MBOAT7: variants seen among roughly 807,000 people sequenced by gnomAD.
MBOAT7 encodes membrane bound acylglycerophosphatidylinositol O-acyltransferase MBOAT7.
In MBOAT7, 40 loss-of-function variants were observed where a neutral mutation model predicts 47.4. The observed-to-expected ratio is 0.84, with a 90% CI of 0.66 to 1.10. The LOEUF (loss-of-function observed/expected upper bound fraction) is 1.10. Among genes scored for constraint, MBOAT7 ranks in the 50% least tolerant of loss-of-function variants. The pLI is 0.00. For missense variants in MBOAT7, 680 were observed against 655.6 expected, an observed-to-expected ratio of 1.04 and a Z score of -0.41; for synonymous variants, 361 against 292.0, an observed-to-expected ratio of 1.24 and a Z score of -2.41.
chr19:54,188,547 G>A (rs985762642), intron 1 of MBOAT7, 36 bp from the exon 2 acceptor site: 8 of 1,541,038 alleles, frequency 5.2e-6, no homozygotes, highest in African/African-American at 1.4e-5. Context: ...TGAGAACCCA[G>A]GAATCCAGGC....
chr19:54,185,804 T>A (rs1451685337), intron 4 of MBOAT7, among the ~76,000 whole-genome samples: 2 of 151,972 alleles, frequency 1.3e-5, no homozygotes, highest in South Asian at 2.1e-4. Context: ...CAAGCAATTA[T>A]CCTGCCTCAG....
At position 54,174,305 on chromosome 19, in the gene MBOAT7, C is replaced by T; in HGVS notation, c.1158G>A (p.Arg386=). 1 of 1,613,084 alleles carries T rather than the reference C, an allele frequency of 6.2e-7. No homozygotes were observed. ...EGRLESALRG[R]LSPGGQKAWD... is the part of the protein sequence containing the mutation. ...AGGCCTTCTGGCCCCCTGGGCTCAG[C>T]CGCCCCCGCAGGGCTGACTCCAGCC... The change falls in exon 8 of 8, where the codon CGG becomes CGA. Residue 386 remains arginine (R), a synonymous_variant. Coordinates refer to ENST00000245615, the MANE Select transcript of MBOAT7 (RefSeq NM_024298.5).
At chr19:54,184,935 T>A (rs1046307052) in intron 4 of MBOAT7, among the ~76,000 whole-genome samples, 1 of 142,204 alleles carries the variant, frequency 7.0e-6, no homozygotes, top group South Asian at 2.2e-4. Flanking sequence ...TAGGGCCAGG[T>A]GTGACGGCTC....
rs1024290876 is a variant in MBOAT7 at position 54,180,922 on chromosome 19, G to A, written c.705C>T (p.Ile235=). Residue 235 remains isoleucine, a synonymous_variant, in exon 6 of 8, where the codon ATC becomes ATT. Transcript: ENST00000245615. This position sits in a 1 kb window ranked among gnomAD's most constrained non-coding sequence, Gnocchi z 5.2. ...RPLPARLFYM[I]PVFFAFRMRF... ...GCATGCGGAAGGCGAAGAAGACGGGGATCATGTAGAAGAGGCGGGCGGGCA... is the reference window on the plus strand; with the variant it reads ...GCATGCGGAAGGCGAAGAAGACGGGAATCATGTAGAAGAGGCGGGCGGGCA... 6.3e-7 allele frequency: 1 copy of A among 1,597,972 alleles called. No homozygotes were observed. Among genetic ancestry groups the A allele is most frequent in the Non-Finnish European group, 8.5e-7 (1 of 1,174,102 alleles).
chr19:54,182,912 G>A (rs2076328357), intron 5 of MBOAT7, among the ~76,000 whole-genome samples: 2 of 152,202 alleles, frequency 1.3e-5, no homozygotes, highest in South Asian at 4.2e-4. Flanking sequence ...TGTTGGCCAG[G>A]CTGGTCTCAA....
At chr19:54,175,282 C>T (rs1030438239) in intron 7 of MBOAT7, among the ~76,000 whole-genome samples, 8 of 152,176 alleles carry the variant, frequency 5.3e-5, no homozygotes, top group Admixed American at 3.9e-4. Context: ...CCGGGCAGCC[C>T]GGTGGTTCTT....
At position 54,181,003 on chromosome 19, in the gene MBOAT7, G is replaced by A. The variant is rs1159098750; in HGVS notation, c.624C>T (p.Ser208=). ...CGGCCTCCAGCGGGAAGAGGTGAGAGGAGAGCAGGAACAGCAGGCCGAAGA... is the reference window on the plus strand; with the variant it reads ...CGGCCTCCAGCGGGAAGAGGTGAGAAGAGAGCAGGAACAGCAGGCCGAAGA... The part of the protein sequence containing the change: ...APLFGLLFLL[S]SHLFPLEAVR... The change falls in exon 6 of 8, where the codon TCC becomes TCT. Residue 208 remains serine (S), a synonymous_variant. Coordinates refer to ENST00000245615, the MANE Select transcript of MBOAT7 (RefSeq NM_024298.5). 1.9e-6 allele frequency: 3 copies of A among 1,560,456 alleles called. No individual in the cohort carries two copies. Among genetic ancestry groups the A allele is most frequent in the Non-Finnish European group, 2.6e-6 (3 of 1,152,904 alleles).
Position 54,180,455 on chromosome 19 carries a change from G to T in MBOAT7, c.854+318C>A, listed in dbSNP as rs2076230934. 6.4e-6 allele frequency: 2 copies of T among 311,476 alleles called. No homozygotes were observed. Among genetic ancestry groups the T allele is most frequent in the Admixed American group, 4.9e-5 (1 of 20,344 alleles). 19.3% of individuals were successfully genotyped at this position (311,476 alleles called of 1,614,324 possible). On this transcript the variant is annotated intron_variant, in intron 6 of 7. Coordinates refer to ENST00000245615, the MANE Select transcript of MBOAT7 (RefSeq NM_024298.5). The surrounding 1 kb of genome is among the most constrained non-coding windows in gnomAD (Gnocchi z 5.2). ...ATCCCCAGCAAGCAGGAACAATCTG[G>T]TTCTGGGGGGTGACACTTCTGTGGC...
rs1319929612 is a variant in MBOAT7, at chr19:54,188,450, A to G, written c.59T>C (p.Phe20Ser). 1 of 1,559,226 alleles carries G rather than the reference A, an allele frequency of 6.4e-7. No homozygotes were observed. The highest frequency in any genetic ancestry group is 8.7e-7 in the Non-Finnish European group (1 of 1,150,658). Residue 20 changes from phenylalanine (F) to serine (S), a missense_variant, in exon 2 of 8, where the codon TTC (phenylalanine) becomes TCC (serine). Physicochemically the swap from Phe to Ser is radical, Grantham distance 155 (BLOSUM62 -2). Transcript: ENST00000245615. ...TGACTCACCGGCTTTCTTAAAGAGG[A>G]AGCCGATGGGGATGGAGATAAGAAG... ...VVLLISIPIG[F>S]LFKKAGPGLK...
At chr19:54,175,179 C>T (rs11669083) in intron 7 of MBOAT7, among the ~76,000 whole-genome samples, 3,593 of 152,190 alleles carry the variant, frequency 0.024, 57 homozygotes, top group Non-Finnish European at 0.036. Context: ...GGGGTTTCAC[C>T]GTGTTAGCCA....
intron 7 of MBOAT7, among the ~76,000 whole-genome samples, chr19:54,176,502 G>C (rs532342064): frequency 6.6e-6 from 1 of 152,122 alleles, no homozygotes; most frequent in African/African-American, 2.4e-5. Context: ...AGGTTGCAGT[G>C]AGCCGAGATC....
rs144575136 is a variant in MBOAT7, at chr19:54,180,306, C to A, written c.854+467G>T. Reference sequence around the variant, plus strand: ...TATCTGCAGCAACAGAGCAAAACTTCTGGTAAAAAGGAGGTGAGCTACTGT... The same window carrying A: ...TATCTGCAGCAACAGAGCAAAACTTATGGTAAAAAGGAGGTGAGCTACTGT... On this transcript the variant is annotated intron_variant, in intron 6 of 7. Coordinates refer to ENST00000245615, the MANE Select transcript of MBOAT7 (RefSeq NM_024298.5). The surrounding 1 kb of genome is among the most constrained non-coding windows in gnomAD (Gnocchi z 5.2). The A allele has an allele frequency of 5.3e-3, 829 of 156,670 alleles. 5 individuals are homozygous for A. The highest frequency in any genetic ancestry group is 0.019 in the African/African-American group (784 of 41,606). 9.7% of individuals were successfully genotyped at this position (156,670 alleles called of 1,614,324 possible).
intron 5 of MBOAT7, among the ~76,000 whole-genome samples, chr19:54,182,561 T>A (rs1346597688): frequency 6.6e-6 from 1 of 151,774 alleles, no homozygotes; most frequent in African/African-American, 2.4e-5. Flanking sequence ...TGGATGAGTA[T>A]GTGAATTAGA....
chr19:54,182,500 G>GT (rs1555837607), intron 5 of MBOAT7, among the ~76,000 whole-genome samples: 2,257 of 66,106 alleles, frequency 0.034, 45 homozygotes, highest in African/African-American at 0.11. Context: ...TATGTTTTGT[G>GT]TTTTGTTTTT....
intron 1 of MBOAT7, 110 bp from the exon 2 acceptor site, chr19:54,188,621 T>G: frequency 1.0e-6 from 1 of 983,310 alleles, no homozygotes; most frequent in South Asian, 1.6e-5. Flanking sequence ...TTTTTGAGGA[T>G]GATGGAGTAT....
Position 54,180,658 on chromosome 19 carries a change from A to C in MBOAT7, c.854+115T>G. 9.7e-7 allele frequency: 1 copy of C among 1,029,136 alleles called. No homozygotes were observed. Among genetic ancestry groups the C allele is most frequent in the South Asian group, 1.7e-5 (1 of 58,394 alleles). The allele number at this position is 1,029,136 out of a possible 1,614,324, so 63.8% of individuals were successfully genotyped here. On this transcript the variant is annotated intron_variant, in intron 6 of 7. Transcript: ENST00000245615. The surrounding 1 kb of genome is among the most constrained non-coding windows in gnomAD (Gnocchi z 5.2). ...TTGCCGAGGGGGCGACACTCTGCTC[A>C]AAAAGGTGGTGGCCCTGGCCCCTTG...
intron 1 of MBOAT7, 102 bp from the exon 2 acceptor site, chr19:54,188,613 T>C (rs1052438992): frequency 2.5e-5 from 28 of 1,125,004 alleles, no homozygotes; most frequent in Non-Finnish European, 3.4e-5. Context: ...GACCCCAGTT[T>C]TTGAGGATGA....
intron 4 of MBOAT7, among the ~76,000 whole-genome samples, chr19:54,184,312 C>T (rs998380228): frequency 6.6e-6 from 1 of 151,840 alleles, no homozygotes; most frequent in Admixed American, 6.6e-5. Flanking sequence ...AACTCCTGGC[C>T]TCAAGTGATC....
chr19:54,187,737 G>T (rs1470929160), intron 3 of MBOAT7, among the ~76,000 whole-genome samples: 7 of 152,304 alleles, frequency 4.6e-5, no homozygotes, highest in Middle Eastern at 3.4e-3. Context: ...GCAGATGAAG[G>T]CCGGATGCGG....
Sources: allele counts gnomAD v4.1 joint callset (sites outside exome capture counted in the v4.1 genomes callset), GRCh38; gene constraint gnomAD v4.1.1; non-coding constraint Gnocchi (gnomAD v3.1); transcripts MANE v1.5; gene names NCBI Gene and HGNC (gene_info 2026-07-23, HGNC 2026-07-21).